The following GRIA2 variants were observed in gnomAD, a reference collection of about 807,000 sequenced individuals.
GRIA2 encodes glutamate receptor 2.
A neutral mutation model predicts 97.3 loss-of-function variants in GRIA2; 14 were observed. That is an observed-to-expected ratio of 0.14 (90% CI 0.10 to 0.23). GRIA2 has a LOEUF of 0.23. GRIA2 is among the 10% of genes least tolerant of loss of function. GRIA2 has a pLI of 1.00. For missense variants in GRIA2, 558 were observed against 1,069.8 expected, an observed-to-expected ratio of 0.52 and a Z score of 6.67; for synonymous variants, 412 against 387.8, an observed-to-expected ratio of 1.06 and a Z score of -0.73.
intron 2 of GRIA2, among the ~76,000 whole-genome samples, chr4:157,291,442 A>AT (rs907081661): frequency 4.6e-5 from 7 of 151,548 alleles, no homozygotes; most frequent in African/African-American, 9.7e-5. Context: ...ATTTTCTCCT[A>AT]TTTTTTTTAA....
intron 12 of GRIA2, among the ~76,000 whole-genome samples, chr4:157,349,043 T>C (rs1376888634): frequency 1.3e-5 from 2 of 152,218 alleles, no homozygotes; most frequent in Non-Finnish European, 2.9e-5. Context: ...CTAAATCCTT[T>C]TATAAGGCAG....
chr4:157,262,009 C>T (rs879298699), intron 2 of GRIA2, among the ~76,000 whole-genome samples: 3 of 152,050 alleles, frequency 2.0e-5, no homozygotes, highest in Non-Finnish European at 4.4e-5. Flanking sequence ...ACCCCTGCTA[C>T]CCTCTTGCTG....
chr4:157,267,493 A>G (rs1731826074), intron 2 of GRIA2, among the ~76,000 whole-genome samples: 2 of 151,936 alleles, frequency 1.3e-5, no homozygotes, highest in African/African-American at 2.4e-5. Flanking sequence ...TTCTGCTAAC[A>G]TTTTTGTTAT....
At chr4:157,262,464 T>C (rs938902726) in intron 2 of GRIA2, among the ~76,000 whole-genome samples, 4 of 152,006 alleles carry the variant, frequency 2.6e-5, no homozygotes, top group African/African-American at 7.2e-5. Flanking sequence ...AAGAAGATTG[T>C]TACTTTCCAC....
At chr4:157,271,677 C>A (rs1243698296) in intron 2 of GRIA2, among the ~76,000 whole-genome samples, 1 of 152,026 alleles carries the variant, frequency 6.6e-6, no homozygotes, top group Non-Finnish European at 1.5e-5. Flanking sequence ...TGGTGATCGA[C>A]TTAGTCTTCA....
At chr4:157,268,183 C>T (rs545647653) in intron 2 of GRIA2, among the ~76,000 whole-genome samples, 1 of 152,124 alleles carries the variant, frequency 6.6e-6, no homozygotes, top group South Asian at 2.1e-4. Flanking sequence ...CAAGGTTATA[C>T]TGAATGTTTG....
chr4:157,354,872 T>C (rs1175644409), intron 12 of GRIA2, among the ~76,000 whole-genome samples: 1 of 152,138 alleles, frequency 6.6e-6, no homozygotes, highest in Non-Finnish European at 1.5e-5. Flanking sequence ...ACATATGTCA[T>C]ATGTAGCATT....
At chr4:157,286,244 T>G (rs1163266728) in intron 2 of GRIA2, among the ~76,000 whole-genome samples, 3 of 151,548 alleles carry the variant, frequency 2.0e-5, no homozygotes, top group Non-Finnish European at 4.4e-5. Flanking sequence ...TACTTGTTTT[T>G]TATTGTATAT....
upstream of GRIA2, chr4:157,220,664 G>GCGTGTGTGTA (rs2126666607): frequency 3.8e-6 from 1 of 262,070 alleles, no homozygotes; most frequent in East Asian, 9.9e-5. Context: ...GTGTGTGTGT[G>GCGTGTGTGTA]TGTGTGTGTG....
intron 14 of GRIA2, chr4:157,362,513 A>T (rs914013999): frequency 1.9e-6 from 1 of 539,246 alleles, no homozygotes; most frequent in Non-Finnish European, 3.5e-6. Context: ...TTATCAATTT[A>T]TCACTGCAAC....
At position 157,361,221 on chromosome 4, in the gene GRIA2, A is replaced by G; in HGVS notation, c.2406+97A>G. On this transcript the variant is annotated intron_variant, in intron 14 of 15. Coordinates refer to ENST00000264426, the MANE Select transcript of GRIA2 (RefSeq NM_001083619.3). This position sits in a 1 kb window ranked among gnomAD's most constrained non-coding sequence, Gnocchi z 5.2. ...GGCACTCCGTGCCACCAAGTTTCCA[A>G]CGCTAAGCTGAAGAGTGCAATTGGA... The G allele has an allele frequency of 1.1e-6, 1 of 899,578 alleles. No individual in the cohort carries two copies. Among genetic ancestry groups the G allele is most frequent in the Non-Finnish European group, 1.8e-6 (1 of 566,716 alleles). 55.7% of individuals were successfully genotyped at this position (899,578 alleles called of 1,614,324 possible). A position where few individuals can be genotyped will look rare whatever the true frequency, so the allele number is the denominator to read the frequency against.
intron 6 of GRIA2, among the ~76,000 whole-genome samples, chr4:157,327,812 G>A (rs115539206): frequency 6.0e-4 from 92 of 152,126 alleles, no homozygotes; most frequent in African/African-American, 2.0e-3. Context: ...TTTCTTAATT[G>A]CTGTCCTAAG....
intron 2 of GRIA2, among the ~76,000 whole-genome samples, chr4:157,264,551 G>T (rs1430260265): frequency 6.6e-6 from 1 of 152,048 alleles, no homozygotes; most frequent in Non-Finnish European, 1.5e-5. Context: ...CAGCTCATTA[G>T]TAGCTTTAAT....
intron 5 of GRIA2, among the ~76,000 whole-genome samples, chr4:157,319,344 G>T (rs141924621): frequency 6.6e-6 from 1 of 152,096 alleles, no homozygotes; most frequent in Admixed American, 6.5e-5. Context: ...ACAGAAGGTG[G>T]CTCCTCAATT....
chr4:157,237,158 C>T (rs1350807543), intron 2 of GRIA2, among the ~76,000 whole-genome samples: 1 of 151,896 alleles, frequency 6.6e-6, no homozygotes, highest in Non-Finnish European at 1.5e-5. Flanking sequence ...CCAGATAAAT[C>T]ATTGAATCAT....
intron 6 of GRIA2, among the ~76,000 whole-genome samples, chr4:157,326,444 C>T (rs576415578): frequency 6.6e-6 from 1 of 152,160 alleles, no homozygotes; most frequent in Non-Finnish European, 1.5e-5. Flanking sequence ...ATAACTCAGG[C>T]TCCTAGAATA....
At position 157,334,140 on chromosome 4, in the gene GRIA2, A is replaced by T. The variant is rs1331809517; in HGVS notation, c.1266+20A>T. On this transcript the variant is annotated intron_variant, in intron 9 of 15. Coordinates refer to ENST00000264426, the MANE Select transcript of GRIA2 (RefSeq NM_001083619.3). ...ATTTTGGTAATTTGCTACATATGCC[A>T]TGTTTTACTTTGTATTTTCTTATGG... 8.6e-7 allele frequency: 1 copy of T among 1,167,830 alleles called. No individual in the cohort carries two copies. The highest frequency in any genetic ancestry group is 1.3e-6 in the Non-Finnish European group (1 of 773,216). The allele number at this position is 1,167,830 out of a possible 1,614,324, so 72.3% of individuals were successfully genotyped here.
chr4:157,311,324 CTAAT>C (rs1734071681), intron 3 of GRIA2, among the ~76,000 whole-genome samples: 1 of 151,908 alleles, frequency 6.6e-6, no homozygotes. Flanking sequence ...ATTTATTATT[CTAAT>C]TAATATTCAA....
intron 4 of GRIA2, among the ~76,000 whole-genome samples, chr4:157,316,023 G>C (rs1235030220): frequency 2.6e-5 from 4 of 152,056 alleles, no homozygotes; most frequent in Non-Finnish European, 4.4e-5. Flanking sequence ...TAGATGCTGG[G>C]GTAGAGAATT....
Sources: gnomAD v4.1 joint callset for allele counts (sites outside exome capture counted in the v4.1 genomes callset) on GRCh38, gnomAD v4.1.1 for gene constraint, Gnocchi (gnomAD v3.1) non-coding constraint, MANE v1.5 for transcripts, NCBI Gene and HGNC (gene_info 2026-07-23, HGNC 2026-07-21) for gene names.